SDK1: variants seen among roughly 807,000 people sequenced by gnomAD.
The protein encoded by SDK1 is sidekick cell adhesion molecule 1.
SDK1 carries 157 observed loss-of-function variants against 245.5 expected under a neutral mutation model. The ratio of observed to expected loss-of-function variants is 0.64; its 90% CI spans 0.56 to 0.73. The LOEUF (loss-of-function observed/expected upper bound fraction) is 0.73, where lower values mean the gene tolerates loss of function less well. SDK1 is among the 30% of genes least tolerant of loss of function. The pLI is 0.00. For missense variants in SDK1, 3,583 were observed against 3,002.3 expected (o/e 1.19, Z -4.52); for synonymous variants, 1,647 against 1,278.5 (o/e 1.29, Z -6.15).
intron 16 of SDK1, among the ~76,000 whole-genome samples, chr7:4,016,397 T>G (rs1786403002): frequency 6.6e-6 from 1 of 152,256 alleles, no homozygotes; most frequent in South Asian, 2.1e-4. Flanking sequence ...ATAAATTACC[T>G]GAGTCAGTTC....
intron 1 of SDK1, among the ~76,000 whole-genome samples, chr7:3,304,071 A>T (rs1414278811): frequency 6.6e-6 from 1 of 152,210 alleles, no homozygotes; most frequent in Non-Finnish European, 1.5e-5. Flanking sequence ...TGCGACATTG[A>T]TCAGTAAAAG....
chr7:4,053,988 G>T (rs933845170), intron 19 of SDK1, among the ~76,000 whole-genome samples: 2 of 152,050 alleles, frequency 1.3e-5, no homozygotes, highest in Non-Finnish European at 2.9e-5. Flanking sequence ...GCCCAGGCTG[G>T]AGTGCAGTGG....
At chr7:3,862,305 G>C in intron 5 of SDK1, among the ~76,000 whole-genome samples, 1 of 152,166 alleles carries the variant, frequency 6.6e-6, no homozygotes, top group East Asian at 1.9e-4. Context: ...AAGTTCCCCA[G>C]GTAATTTCTG....
At chr7:3,421,812 C>T (rs916169679) in intron 1 of SDK1, among the ~76,000 whole-genome samples, 3 of 152,108 alleles carry the variant, frequency 2.0e-5, no homozygotes, top group Admixed American at 6.6e-5. Context: ...CTGCTCTTAA[C>T]CTTAAATAAC....
chr7:3,690,626 C>T (rs1784415519), intron 4 of SDK1, among the ~76,000 whole-genome samples: 1 of 152,092 alleles, frequency 6.6e-6, no homozygotes, highest in Non-Finnish European at 1.5e-5. Context: ...ACAGATAAGT[C>T]ACCAGGAAGA....
At chr7:4,030,943 G>A (rs10253393) in intron 17 of SDK1, among the ~76,000 whole-genome samples, 44,329 of 152,048 alleles carry the variant, frequency 0.29, 9,558 homozygotes, top group African/African-American at 0.61. Context: ...CAGAGACATC[G>A]AACTTAGATT....
At chr7:3,835,648 A>C (rs1168826526) in intron 5 of SDK1, among the ~76,000 whole-genome samples, 1 of 152,196 alleles carries the variant, frequency 6.6e-6, no homozygotes, top group African/African-American at 2.4e-5. Context: ...CTCTCTGTCC[A>C]TCTGTGCATT....
At chr7:3,432,303 C>CT (rs1193276858) in intron 1 of SDK1, among the ~76,000 whole-genome samples, 1 of 151,810 alleles carries the variant, frequency 6.6e-6, no homozygotes, top group Non-Finnish European at 1.5e-5. Flanking sequence ...CATTGGGACA[C>CT]TGGCAGCATG....
chr7:3,392,007 A>C (rs1472569881), intron 1 of SDK1, among the ~76,000 whole-genome samples: 1 of 150,530 alleles, frequency 6.6e-6, no homozygotes, highest in Non-Finnish European at 1.5e-5. Context: ...CCTAAGCTTA[A>C]ATGCAACAAA....
chr7:3,504,662 A>T (rs889666130), intron 1 of SDK1, among the ~76,000 whole-genome samples: 3 of 152,168 alleles, frequency 2.0e-5, no homozygotes, highest in African/African-American at 7.2e-5. Flanking sequence ...AATTAACTCA[A>T]AGTGCATTAT....
At chr7:3,509,363 A>G (rs1341940890) in intron 1 of SDK1, among the ~76,000 whole-genome samples, 3 of 152,068 alleles carry the variant, frequency 2.0e-5, no homozygotes, top group East Asian at 1.9e-4. Flanking sequence ...CTCTGCCAAC[A>G]TGTGACCTCA....
intron 5 of SDK1, among the ~76,000 whole-genome samples, chr7:3,910,975 G>T (rs1003389159): frequency 4.6e-5 from 7 of 152,088 alleles, no homozygotes; most frequent in African/African-American, 1.7e-4. Flanking sequence ...TCTGTCTCCC[G>T]CTGCCTGCTC....
rs1223083367 is a variant in SDK1, at chr7:3,569,338, C to T, written c.299-49742C>T. 3.3e-5 allele frequency among the ~76,000 whole-genome samples: 5 copies of T among 152,220 alleles called. No individual in the cohort carries two copies. The East Asian group carries it at 7.7e-4, about 23-fold the overall frequency. On this transcript the variant is annotated intron_variant, in intron 1 of 44. Transcript: ENST00000404826. ...GTGCATGATTTGAGTGATCTGCTCTCTAGCAACTACCAGGGAAAAGGAATC... is the reference window on the plus strand; with the variant it reads ...GTGCATGATTTGAGTGATCTGCTCTTTAGCAACTACCAGGGAAAAGGAATC...
intron 1 of SDK1, among the ~76,000 whole-genome samples, chr7:3,606,255 C>G (rs1781422321): frequency 6.6e-6 from 1 of 152,104 alleles, no homozygotes; most frequent in Admixed American, 6.5e-5. Flanking sequence ...CCCTTAGGCC[C>G]CAGGTCTGAT....
At chr7:3,384,302 C>T (rs1297818825) in intron 1 of SDK1, among the ~76,000 whole-genome samples, 1 of 151,982 alleles carries the variant, frequency 6.6e-6, no homozygotes, top group Non-Finnish European at 1.5e-5. Context: ...CTGAAATATA[C>T]TCTGATTTTC....
intron 4 of SDK1, among the ~76,000 whole-genome samples, chr7:3,741,170 A>C (rs1387597270): frequency 2.6e-5 from 4 of 152,214 alleles, no homozygotes; most frequent in Non-Finnish European, 4.4e-5. Context: ...CTGAAGTGCT[A>C]AGAAATATGT....
At chr7:4,156,834 C>G (rs972188954) in intron 30 of SDK1, among the ~76,000 whole-genome samples, 4 of 152,156 alleles carry the variant, frequency 2.6e-5, no homozygotes, top group Non-Finnish European at 5.9e-5. Flanking sequence ...TTGAAAGCCA[C>G]TGGTTTACAG....
intron 1 of SDK1, among the ~76,000 whole-genome samples, chr7:3,311,889 C>G (rs112321096): frequency 4.5e-4 from 68 of 152,310 alleles, no homozygotes; most frequent in Non-Finnish European, 8.4e-4. Context: ...GGTTTCTGAT[C>G]TGAATACACG....
At chr7:4,167,131 C>T (rs1052508026) in intron 32 of SDK1, among the ~76,000 whole-genome samples, 10 of 152,192 alleles carry the variant, frequency 6.6e-5, no homozygotes, top group South Asian at 2.1e-4. Flanking sequence ...TGCTGTGGCA[C>T]GCCTGTAATC....
Sources: gnomAD v4.1 joint callset for allele counts (sites outside exome capture counted in the v4.1 genomes callset) on GRCh38, gnomAD v4.1.1 for gene constraint, MANE v1.5 for transcripts, NCBI Gene and HGNC (gene_info 2026-07-23, HGNC 2026-07-21) for gene names.